CTNS: variants seen among roughly 807,000 people sequenced by gnomAD.
The protein encoded by CTNS is cystinosin.
In CTNS, 27 loss-of-function variants were observed where a neutral mutation model predicts 43.7. The ratio of observed to expected loss-of-function variants is 0.62; its 90% confidence interval spans 0.46 to 0.85. The LOEUF (loss-of-function observed/expected upper bound fraction) is 0.85. CTNS is among the 40% of genes least tolerant of loss of function. CTNS has a pLI of 0.00. For synonymous variants in CTNS, 187 were observed against 190.6 expected (o/e 0.98, Z 0.16); for missense variants, 457 against 475.4 (o/e 0.96, Z 0.36).
chr17:3,657,181 A>G (rs1213960376), intron 9 of CTNS, among the ~76,000 whole-genome samples: 3 of 151,328 alleles, frequency 2.0e-5, no homozygotes, highest in African/African-American at 7.3e-5. Context: ...TGAAGTTCCT[A>G]TGGAGGAGGG....
intron 3 of CTNS, among the ~76,000 whole-genome samples, chr17:3,640,778 C>T (rs1229947848): frequency 2.2e-4 from 33 of 152,164 alleles, no homozygotes; most frequent in Admixed American, 2.2e-3. Flanking sequence ...GTGGCTCGTG[C>T]CTATAGTCCT....
Position 3,660,482 on chromosome 17 carries a change from T to G in CTNS, c.*113T>G. The G allele has an allele frequency of 1.9e-6, 3 of 1,612,896 alleles. No individual in the cohort carries two copies. In the South Asian group the frequency reaches 3.3e-5, roughly 18 times the overall value. ...CCTGGCACACAGGGCTGGCTCAGTG[T>G]GCGGACAGAGGAGACCACTCTGCTC... On this transcript the variant is annotated 3_prime_UTR_variant, in exon 12 of 12. Coordinates refer to ENST00000046640, the MANE Select transcript of CTNS (RefSeq NM_004937.3).
chr17:3,657,665 C>G (rs2076184815), intron 9 of CTNS: 8 of 396,068 alleles, frequency 2.0e-5, no homozygotes. Flanking sequence ...AGTTCCGACC[C>G]CACGTCTCCA....
chr17:3,648,204 T>G (rs2075890661), intron 4 of CTNS, among the ~76,000 whole-genome samples: 1 of 152,186 alleles, frequency 6.6e-6, no homozygotes, highest in Admixed American at 6.5e-5. Context: ...AGCAAAGCTT[T>G]GGTTCCGAGG....
Position 3,658,105 on chromosome 17 carries a change from C to T in CTNS, c.782C>T (p.Thr261Met), listed in dbSNP as rs370257007. The change falls in exon 10 of 12, where the codon ACG becomes ATG. Residue 261 changes from threonine (T) to methionine (M), a missense_variant. Coordinates refer to ENST00000046640, the MANE Select transcript of CTNS (RefSeq NM_004937.3). ...TMIVAAVGVT[T>M]WLQFLFCFSY... The stretch of plus-strand genomic sequence containing the variant: ...ATCGTGGCTGCAGTGGGAGTGACCA[C>T]GTGGCTGCAGTTTCTCTTCTGCTTC... 2.5e-6 allele frequency: 4 copies of T among 1,612,362 alleles called. No homozygotes were observed. Among genetic ancestry groups the T allele is most frequent in the Admixed American group, 1.7e-5 (1 of 60,008 alleles).
rs1316830117 is a variant in CTNS at position 3,662,654 on chromosome 17, C to T, written c.*2285C>T. Among the ~76,000 whole-genome samples the T allele has an allele frequency of 6.6e-6, 1 of 152,220 alleles. No individual in the cohort carries two copies. The highest frequency in any genetic ancestry group is 1.5e-5 in the Non-Finnish European group (1 of 68,036). On this transcript the variant is annotated 3_prime_UTR_variant, in exon 12 of 12. Transcript: ENST00000046640. Reference sequence around the variant, plus strand: ...ACAGTAACACCCAAGAAAGCACACGCACCCCAGGGTCCCACCCCAGTGCTC... The same window carrying T: ...ACAGTAACACCCAAGAAAGCACACGTACCCCAGGGTCCCACCCCAGTGCTC...
rs2076265442 is a variant in CTNS at position 3,660,845 on chromosome 17, G to C, written c.*476G>C. The C allele has an allele frequency of 3.3e-6, 5 of 1,527,292 alleles. No homozygotes were observed. In the South Asian group the frequency reaches 5.8e-5, roughly 18 times the overall value. The allele number at this position is 1,527,292 out of a possible 1,614,324, so 94.6% of individuals were successfully genotyped here. ...TCAGAGGTGCTGGTGGACGGGCTAGGACTTTGGGGTTAGGCCATGGGGCTC... is the reference window on the plus strand; with the variant it reads ...TCAGAGGTGCTGGTGGACGGGCTAGCACTTTGGGGTTAGGCCATGGGGCTC... On this transcript the variant is annotated 3_prime_UTR_variant, in exon 12 of 12. Coordinates refer to ENST00000046640, the MANE Select transcript of CTNS (RefSeq NM_004937.3).
chr17:3,648,445 C>T (rs1202281652), intron 4 of CTNS, among the ~76,000 whole-genome samples: 4 of 152,236 alleles, frequency 2.6e-5, no homozygotes, highest in East Asian at 1.9e-4. Flanking sequence ...TTTCCAAGTC[C>T]GGACTGCTCC....
intron 9 of CTNS, 129 bp downstream of exon 9, chr17:3,656,924 G>T: frequency 6.9e-7 from 1 of 1,457,998 alleles, no homozygotes; most frequent in Non-Finnish European, 9.3e-7. Flanking sequence ...GTCCTGTGCT[G>T]GGCATAGAAG....
intron 2 of CTNS, among the ~76,000 whole-genome samples, chr17:3,639,740 T>G (rs890616363): frequency 3.3e-5 from 5 of 152,064 alleles, no homozygotes; most frequent in Non-Finnish European, 7.4e-5. Flanking sequence ...GTTGGTGTCA[T>G]CAGCCCTTAG....
At chr17:3,645,815 A>C (rs1454631211) in intron 3 of CTNS, among the ~76,000 whole-genome samples, 1 of 150,466 alleles carries the variant, frequency 6.6e-6, no homozygotes, top group Non-Finnish European at 1.5e-5. Context: ...AGCAAAGATC[A>C]TGCCACTGCA....
intron 9 of CTNS, 27 bp from the exon 10 acceptor site, chr17:3,657,978 A>C (rs1343542457): frequency 1.2e-6 from 2 of 1,604,262 alleles, no homozygotes; most frequent in Non-Finnish European, 8.5e-7. Context: ...GTGTGGGTCC[A>C]CATCTCTGCC....
At position 3,662,339 on chromosome 17, in the gene CTNS, C is replaced by A. The variant is rs1332660388; in HGVS notation, c.*1970C>A. Among the ~76,000 whole-genome samples the A allele has an allele frequency of 6.6e-6, 1 of 151,700 alleles. No homozygotes were observed. The highest frequency in any genetic ancestry group is 2.4e-5 in the African/African-American group (1 of 41,240). The stretch of plus-strand genomic sequence containing the variant: ...AAAAAAAAAAAAATTATTGACTTTT[C>A]TTTAAAATCTGATTTGGCAGTGCTA... On this transcript the variant is annotated 3_prime_UTR_variant, in exon 12 of 12. Coordinates refer to ENST00000046640, the MANE Select transcript of CTNS (RefSeq NM_004937.3).
intron 3 of CTNS, among the ~76,000 whole-genome samples, chr17:3,646,011 C>T (rs1031130617): frequency 4.6e-5 from 7 of 152,004 alleles, no homozygotes; most frequent in Non-Finnish European, 2.9e-5. Flanking sequence ...GTCGGGGAAC[C>T]GGGCATGCTG....
At chr17:3,636,486 G>A (rs955726514), upstream of CTNS, 13 of 443,262 alleles carry the variant, frequency 2.9e-5, no homozygotes, top group African/African-American at 2.5e-4. Context: ...CCCAATGGAG[G>A]GCGGTCTGAG....
In CTNS at chr17:3,647,501, C is replaced by A. The variant is rs750661418; in HGVS notation, c.119C>A (p.Thr40Asn). The change falls in exon 4 of 12, where the codon ACC becomes AAC. Residue 40 changes from threonine (T) to asparagine (N), a missense_variant. Physicochemically the swap from Thr to Asn is moderately conservative, Grantham distance 65 (BLOSUM62 0). Coordinates refer to ENST00000046640, the MANE Select transcript of CTNS (RefSeq NM_004937.3). ...GTAAAGCTGGAGAACGGCAGCTCGA[C>A]CAACGTCAGCCTCACCCTGCGGTAA... is the stretch of plus-strand genomic sequence containing the variant. ...PVVKLENGSSTNVSLTLRPPL... is the reference protein window; with the variant it reads ...PVVKLENGSSNNVSLTLRPPL... The A allele has an allele frequency of 6.2e-7, 1 of 1,614,166 alleles. No individual in the cohort carries two copies. Among genetic ancestry groups the A allele is most frequent in the Non-Finnish European group, 8.5e-7 (1 of 1,180,008 alleles).
At chr17:3,659,623 G>A (rs1025411548) in intron 10 of CTNS, among the ~76,000 whole-genome samples, 1 of 152,226 alleles carries the variant, frequency 6.6e-6, no homozygotes, top group African/African-American at 2.4e-5. Flanking sequence ...GTGAGGTGTG[G>A]GGGGTGCGGG....
chr17:3,654,816 G>A (rs1250752845), intron 5 of CTNS, among the ~76,000 whole-genome samples, 182 bp from the exon 6 acceptor site: 1 of 152,164 alleles, frequency 6.6e-6, no homozygotes, highest in South Asian at 2.1e-4. Context: ...GCAGCATGGC[G>A]AACAGGAGGT....
chr17:3,647,548 C>T (rs199912595), intron 4 of CTNS, 26 bp downstream of exon 4: 4 of 1,603,706 alleles, frequency 2.5e-6, no homozygotes, highest in Non-Finnish European at 3.4e-6. Flanking sequence ...TGGCGCTGTG[C>T]TCAGCTCCGC....
Sources: gnomAD v4.1 joint callset for allele counts (sites outside exome capture counted in the v4.1 genomes callset) on GRCh38, gnomAD v4.1.1 for gene constraint, MANE v1.5 for transcripts, NCBI Gene and HGNC (gene_info 2026-07-23, HGNC 2026-07-21) for gene names.